UBE2K: variants seen among roughly 807,000 people sequenced by gnomAD.
The protein encoded by UBE2K is ubiquitin conjugating enzyme E2 K.
UBE2K carries 6 observed loss-of-function variants against 30.0 expected under a neutral mutation model. The observed-to-expected ratio is 0.20, with a 90% CI of 0.11 to 0.39. UBE2K has a LOEUF of 0.39. Among genes scored for constraint, UBE2K ranks in the 10% least tolerant of loss-of-function variants. The probability of loss-of-function intolerance (pLI) is 1.00; values close to 1 mark genes in which losing one functional copy is unlikely to be tolerated. For missense variants in UBE2K, 61 were observed against 241.6 expected (o/e 0.25, Z 4.96); for synonymous variants, 86 against 83.7 (o/e 1.03, Z -0.15).
At chr4:39,749,324 GA>G (rs1721134977) in intron 3 of UBE2K, among the ~76,000 whole-genome samples, 1 of 152,138 alleles carries the variant, frequency 6.6e-6, no homozygotes, top group Non-Finnish European at 1.5e-5. Context: ...TTGTGTTAGT[GA>G]AAAAATCATT....
Position 39,780,218 on chromosome 4 carries a change from A to G in UBE2K, c.*1784A>G, listed in dbSNP as rs1328769707. The stretch of plus-strand genomic sequence containing the variant: ...ACAAGATTTTTCTTTATTTATTTTA[A>G]ATACCTGAAACCTCGTACTTTATAT... On this transcript the variant is annotated 3_prime_UTR_variant, in exon 7 of 7. Transcript: ENST00000261427. 1 of 152,130 alleles carries G rather than the reference A, an allele frequency of 6.6e-6. No individual in the cohort carries two copies. Among genetic ancestry groups the G allele is most frequent in the African/African-American group, 2.4e-5 (1 of 41,442 alleles). The allele number at this position is 152,130 out of a possible 1,614,324, so 9.4% of individuals were successfully genotyped here.
At chr4:39,722,829 T>C (rs1719503060) in intron 1 of UBE2K, among the ~76,000 whole-genome samples, 1 of 149,122 alleles carries the variant, frequency 6.7e-6, no homozygotes. Flanking sequence ...GGAGTCTCCC[T>C]CTGTCACCTA....
At position 39,771,145 on chromosome 4, in the gene UBE2K, C is replaced by G. The variant is rs139509689; in HGVS notation, c.300-3689C>G. 6.0e-5 allele frequency: 97 copies of G among 1,612,830 alleles called. No homozygotes were observed. In the African/African-American group the frequency reaches 1.2e-3, roughly 20 times the overall value. ...GGCTGTAAGATAGTTGACGATGTCC[C>G]TAACAGCGAATTCCAGGGTGCCCGT... On this transcript the variant is annotated intron_variant, in intron 4 of 6. Transcript: ENST00000261427.
At chr4:39,740,335 A>T (rs978361293) in intron 2 of UBE2K, among the ~76,000 whole-genome samples, 7 of 152,046 alleles carry the variant, frequency 4.6e-5, no homozygotes, top group Non-Finnish European at 1.0e-4. Flanking sequence ...AGGTAGATTA[A>T]TTTTTTTAAT....
chr4:39,742,439 A>AT (rs1420684313), intron 2 of UBE2K, among the ~76,000 whole-genome samples: 1 of 152,046 alleles, frequency 6.6e-6, no homozygotes, highest in East Asian at 1.9e-4. Context: ...ATGGGATTCT[A>AT]TTAAAAAGAA....
At chr4:39,751,780 A>G (rs1007158846) in intron 3 of UBE2K, among the ~76,000 whole-genome samples, 1 of 152,148 alleles carries the variant, frequency 6.6e-6, no homozygotes, top group African/African-American at 2.4e-5. Context: ...AGCCTGGCCA[A>G]CATGGTGAAA....
intron 3 of UBE2K, among the ~76,000 whole-genome samples, chr4:39,746,638 T>G (rs1721003022): frequency 6.6e-6 from 1 of 152,208 alleles, no homozygotes; most frequent in South Asian, 2.1e-4. Flanking sequence ...CACTCTAATC[T>G]TCTACCACTT....
chr4:39,711,128 A>G (rs1238516526), intron 1 of UBE2K, among the ~76,000 whole-genome samples: 1 of 147,990 alleles, frequency 6.8e-6, no homozygotes, highest in African/African-American at 2.5e-5. Context: ...GTTTTTATGA[A>G]TGATTGTAAT....
At chr4:39,761,872 T>G (rs1307606403) in intron 4 of UBE2K, among the ~76,000 whole-genome samples, 1 of 152,046 alleles carries the variant, frequency 6.6e-6, no homozygotes, top group East Asian at 1.9e-4. Context: ...TTTTTTTTTT[T>G]TAAAGTTTTA....
intron 4 of UBE2K, chr4:39,770,201 G>T: frequency 6.2e-7 from 1 of 1,610,334 alleles, no homozygotes; most frequent in Non-Finnish European, 8.5e-7. Flanking sequence ...AGCGCATGTC[G>T]CAGTAGGAGC....
At chr4:39,770,520 C>T in intron 4 of UBE2K, 1 of 1,605,394 alleles carries the variant, frequency 6.2e-7, no homozygotes, top group Admixed American at 1.7e-5. Flanking sequence ...CTGGCTGCCC[C>T]CCGCCCCCCG....
intron 3 of UBE2K, among the ~76,000 whole-genome samples, chr4:39,747,883 CCT>C (rs1207133991): frequency 1.3e-5 from 2 of 151,080 alleles, no homozygotes; most frequent in African/African-American, 2.4e-5. Context: ...CTCACTGCAA[CCT>C]CTGTCTCCTG....
At chr4:39,770,482 C>A in intron 4 of UBE2K, 2 of 1,610,734 alleles carry the variant, frequency 1.2e-6, no homozygotes, top group Non-Finnish European at 1.7e-6. Flanking sequence ...AAGGGGTTTC[C>A]ACCTGAGAAG....
intron 1 of UBE2K, among the ~76,000 whole-genome samples, chr4:39,710,629 T>C (rs762809808): frequency 6.6e-6 from 1 of 152,076 alleles, no homozygotes; most frequent in Non-Finnish European, 1.5e-5. Context: ...GTTTCACAGA[T>C]CCAACAGTTG....
At chr4:39,702,255 T>C (rs1274872584) in intron 1 of UBE2K, among the ~76,000 whole-genome samples, 5 of 48,786 alleles carry the variant, frequency 1.0e-4, no homozygotes, top group Non-Finnish European at 1.7e-4. Flanking sequence ...TTTTTTTTTT[T>C]TTTTTTTTTT....
chr4:39,709,875 G>A (rs1718575743), intron 1 of UBE2K, among the ~76,000 whole-genome samples: 5 of 152,010 alleles, frequency 3.3e-5, no homozygotes, highest in Admixed American at 3.3e-4. Flanking sequence ...ATGGCTCTGG[G>A]TTTCCTGAAA....
At chr4:39,768,405 C>T (rs1034787253) in intron 4 of UBE2K, among the ~76,000 whole-genome samples, 4 of 148,150 alleles carry the variant, frequency 2.7e-5, no homozygotes, top group African/African-American at 1.0e-4. Flanking sequence ...CAAGATTGCA[C>T]CACTGCACTC....
At chr4:39,738,890 G>C (rs149254791) in intron 2 of UBE2K, among the ~76,000 whole-genome samples, 1,690 of 152,228 alleles carry the variant, frequency 0.011, 38 homozygotes, top group African/African-American at 0.038. Flanking sequence ...GGCCAGGCTG[G>C]TCTTGAACTT....
chr4:39,718,288 C>T (rs181370066), intron 1 of UBE2K, among the ~76,000 whole-genome samples: 54 of 152,278 alleles, frequency 3.5e-4, no homozygotes, highest in African/African-American at 1.1e-3. Flanking sequence ...TACAGAGTGT[C>T]GATTGCTGTA....
Sources: gnomAD v4.1 joint callset for allele counts (sites outside exome capture counted in the v4.1 genomes callset) on GRCh38, gnomAD v4.1.1 for gene constraint, MANE v1.5 for transcripts, NCBI Gene and HGNC (gene_info 2026-07-23, HGNC 2026-07-21) for gene names.